The following VPS13A variants were observed in gnomAD, a reference collection of about 807,000 sequenced individuals.
VPS13A encodes intermembrane lipid transfer protein VPS13A.
In VPS13A, 264 loss-of-function variants were observed where a neutral mutation model predicts 390.9. That is an observed-to-expected ratio of 0.68 (90% CI 0.61 to 0.75). The LOEUF (loss-of-function observed/expected upper bound fraction) is 0.75. VPS13A is among the 30% of genes least tolerant of loss of function. The pLI, the probability that VPS13A is intolerant of heterozygous loss-of-function variation, is 0.00. For synonymous variants in VPS13A, 1,231 were observed against 1,227.1 expected (o/e 1.00, Z -0.07); for missense variants, 3,409 against 3,733.9 (o/e 0.91, Z 2.27).
At chr9:77,328,494 TCTC>T (rs1371229733) in intron 45 of VPS13A, among the ~76,000 whole-genome samples, 3 of 152,340 alleles carry the variant, frequency 2.0e-5, no homozygotes, top group Middle Eastern at 3.4e-3. Context: ...TGACTTCCCT[TCTC>T]TAGCTATGAG....
At chr9:77,312,576 G>A (rs1176747068) in intron 35 of VPS13A, among the ~76,000 whole-genome samples, 4 of 151,864 alleles carry the variant, frequency 2.6e-5, no homozygotes, top group East Asian at 1.9e-4. Context: ...ACAGGTGCCC[G>A]CCACCATGCC....
intron 29 of VPS13A, among the ~76,000 whole-genome samples, chr9:77,282,764 A>AT (rs1381751025): frequency 6.6e-6 from 1 of 152,100 alleles, no homozygotes; most frequent in Non-Finnish European, 1.5e-5. Context: ...CCTGGGCAAC[A>AT]TAGCAAGACC....
At chr9:77,326,779 C>T (rs956482003) in intron 45 of VPS13A, among the ~76,000 whole-genome samples, 5 of 151,842 alleles carry the variant, frequency 3.3e-5, no homozygotes, top group African/African-American at 9.7e-5. Flanking sequence ...TATTGGTTAC[C>T]TAAAACTACT....
chr9:77,390,663 T>TTTG (rs200982435), intron 68 of VPS13A, among the ~76,000 whole-genome samples: 39 of 113,722 alleles, frequency 3.4e-4, no homozygotes, highest in South Asian at 7.4e-4. Context: ...TCCCTCTCTT[T>TTTG]TTGTTGTTGT....
At chr9:77,292,779 A>G (rs1168834152) in intron 31 of VPS13A, among the ~76,000 whole-genome samples, 1 of 152,102 alleles carries the variant, frequency 6.6e-6, no homozygotes, top group Non-Finnish European at 1.5e-5. Context: ...CACCATTTTT[A>G]ACTGTTATTG....
At chr9:77,179,041 T>A (rs1053154593) in intron 1 of VPS13A, among the ~76,000 whole-genome samples, 1 of 152,192 alleles carries the variant, frequency 6.6e-6, no homozygotes, top group Non-Finnish European at 1.5e-5. Context: ...CCTGTTTGAT[T>A]AGTACAAGAA....
At chr9:77,228,837 CA>C (rs2131202916) in intron 17 of VPS13A, among the ~76,000 whole-genome samples, 1 of 152,160 alleles carries the variant, frequency 6.6e-6, no homozygotes, top group Admixed American at 6.5e-5. Flanking sequence ...TCCCTGGTGG[CA>C]GCAAGAGAAA....
chr9:77,362,053 T>C (rs1307239196), intron 59 of VPS13A, among the ~76,000 whole-genome samples: 3 of 152,302 alleles, frequency 2.0e-5, no homozygotes, highest in Admixed American at 6.5e-5. Context: ...TTGCATATTC[T>C]CGATACAGGT....
intron 35 of VPS13A, among the ~76,000 whole-genome samples, chr9:77,309,051 A>G (rs1828920302): frequency 6.6e-6 from 1 of 152,186 alleles, no homozygotes; most frequent in African/African-American, 2.4e-5. Context: ...GAAACAGACA[A>G]TTGAGGTGAC....
chr9:77,336,949 A>AC (rs1209416825), intron 46 of VPS13A, among the ~76,000 whole-genome samples: 1 of 151,192 alleles, frequency 6.6e-6, no homozygotes, highest in Admixed American at 6.6e-5. Context: ...GGCGCCCATC[A>AC]CCATGCCCGG....
At chr9:77,336,802 C>CTTTTTT (rs1221241397) in intron 46 of VPS13A, among the ~76,000 whole-genome samples, 14 of 107,962 alleles carry the variant, frequency 1.3e-4, no homozygotes, top group African/African-American at 2.7e-4. Flanking sequence ...ATTTATCTAT[C>CTTTTTT]TTTTTTTTTT....
At position 77,416,283 on chromosome 9, in the gene VPS13A, A is replaced by C. The variant is rs1484114894; in HGVS notation, c.*277A>C. On this transcript the variant is annotated 3_prime_UTR_variant, in exon 72 of 72. Transcript: ENST00000360280. ...ATAATTCTAATTATTTTGTAAAAGA[A>C]GACAAAATTATGAATCTTAAGTATT... The C allele has an allele frequency of 1.7e-5, 6 of 359,696 alleles. No individual in the cohort carries two copies. Among genetic ancestry groups the C allele is most frequent in the South Asian group, 2.8e-5 (1 of 35,712 alleles). The allele number at this position is 359,696 out of a possible 1,614,324, so 22.3% of individuals were successfully genotyped here. A position where few individuals can be genotyped will look rare whatever the true frequency, so the allele number is the denominator to read the frequency against.
intron 1 of VPS13A, among the ~76,000 whole-genome samples, chr9:77,189,120 G>C (rs935440152): frequency 6.9e-6 from 1 of 145,174 alleles, no homozygotes; most frequent in Admixed American, 6.8e-5. Flanking sequence ...AGTTTAATTA[G>C]GTCCCACTTG....
rs373121552 is a variant in VPS13A, at chr9:77,340,584, G to A, written c.7026+34G>A. 8.2e-5 allele frequency: 132 copies of A among 1,610,270 alleles called. No individual in the cohort carries two copies. In the Middle Eastern group the frequency reaches 4.0e-3, roughly 49 times the overall value. ...ATGAATTTCAAAAATATACCTCTTT[G>A]GATTCTATTTTCTCCTTGAAGTTAG... is the stretch of plus-strand genomic sequence containing the variant. On this transcript the variant is annotated intron_variant, in intron 50 of 71. Transcript: ENST00000360280.
chr9:77,392,003 G>A (rs576444046), intron 68 of VPS13A, among the ~76,000 whole-genome samples: 13 of 152,244 alleles, frequency 8.5e-5, no homozygotes, highest in Non-Finnish European at 1.2e-4. Context: ...GTTTATAATT[G>A]TAATGAGCTT....
chr9:77,289,257 A>T (rs556023456), intron 31 of VPS13A, among the ~76,000 whole-genome samples: 4 of 152,196 alleles, frequency 2.6e-5, no homozygotes, highest in African/African-American at 9.6e-5. Flanking sequence ...GTCAGTGTAT[A>T]TTTAGATCTT....
intron 61 of VPS13A, 117 bp from the exon 62 acceptor site, chr9:77,367,938 T>C (rs1251483964): frequency 3.2e-6 from 3 of 945,332 alleles, no homozygotes; most frequent in African/African-American, 3.3e-5. Flanking sequence ...CATGGGAAAA[T>C]GTACTAGAAG....
chr9:77,303,179 G>A, intron 34 of VPS13A, 117 bp downstream of exon 34: 1 of 1,059,030 alleles, frequency 9.4e-7, no homozygotes, highest in Non-Finnish European at 1.4e-6. Context: ...GGTCAGAATT[G>A]AAATAGTGAT....
At chr9:77,255,491 T>C (rs1247354237) in intron 22 of VPS13A, among the ~76,000 whole-genome samples, 1 of 152,116 alleles carries the variant, frequency 6.6e-6, no homozygotes, top group Non-Finnish European at 1.5e-5. Flanking sequence ...ATTTTTCAGA[T>C]ATATTGGACT....
Sources: allele counts gnomAD v4.1 joint callset (sites outside exome capture counted in the v4.1 genomes callset), GRCh38; gene constraint gnomAD v4.1.1; transcripts MANE v1.5; gene names NCBI Gene and HGNC (gene_info 2026-07-23, HGNC 2026-07-21).